The following VDAC2 variants were observed in gnomAD, a reference collection of about 807,000 sequenced individuals.
VDAC2 encodes the protein non-selective voltage-gated ion channel VDAC2.
VDAC2 carries 6 observed loss-of-function variants against 36.6 expected under a neutral mutation model. The ratio of observed to expected loss-of-function variants is 0.16; its 90% CI spans 0.09 to 0.32. The LOEUF (loss-of-function observed/expected upper bound fraction) is 0.32. Among genes scored for constraint, VDAC2 ranks in the 10% least tolerant of loss-of-function variants. The probability of loss-of-function intolerance (pLI) is 1.00; values close to 1 mark genes in which losing one functional copy is unlikely to be tolerated. For missense variants in VDAC2, 247 were observed against 346.0 expected (o/e 0.71, Z 2.27); for synonymous variants, 109 against 123.8 (o/e 0.88, Z 0.79).
chr10:75,217,955 G>T, intron 4 of VDAC2: 1 of 1,288,626 alleles, frequency 7.8e-7, no homozygotes, highest in Non-Finnish European at 1.0e-6. Flanking sequence ...GGCTTGGCGT[G>T]GTGATGCTTG....
rs772993570 is a variant in VDAC2, at chr10:75,219,160, C to T, written c.248C>T (p.Thr83Ile). The T allele has an allele frequency of 6.2e-7, 1 of 1,612,936 alleles. No individual in the cohort carries two copies. The highest frequency in any genetic ancestry group is 1.1e-5 in the South Asian group (1 of 90,858). Residue 83 changes from threonine (T) to isoleucine (I), a missense_variant, in exon 5 of 10, where the codon ACA (threonine) becomes ATA (isoleucine). Transcript: ENST00000332211. Reference sequence around the variant, plus strand: ...TGGTGTGAGTATGGTCTGACTTTCACAGAAAAGTGGAACACTGATAACACT... The same window carrying T: ...TGGTGTGAGTATGGTCTGACTTTCATAGAAAAGTGGAACACTGATAACACT... Reference protein sequence around the residue: ...YKWCEYGLTFTEKWNTDNTLG... With the variant: ...YKWCEYGLTFIEKWNTDNTLG...
chr10:75,212,023 A>G (rs3740312), intron 2 of VDAC2, among the ~76,000 whole-genome samples: 19,288 of 152,228 alleles, frequency 0.13, 1,512 homozygotes, highest in East Asian at 0.25. Context: ...AGTTTGTATA[A>G]TCATGGTTAT....
intron 6 of VDAC2, 49 bp downstream of exon 6, chr10:75,219,405 T>C (rs1407662993): frequency 3.2e-5 from 47 of 1,464,682 alleles, no homozygotes; most frequent in Non-Finnish European, 3.9e-5. Flanking sequence ...TATTTCTCTT[T>C]TGTATATTTA....
intron 9 of VDAC2, among the ~76,000 whole-genome samples, chr10:75,230,153 T>G (rs1262952071): frequency 6.6e-6 from 1 of 152,212 alleles, no homozygotes; most frequent in Non-Finnish European, 1.5e-5. Flanking sequence ...TTCTCCAACT[T>G]CAGAGTGCAC....
Position 75,226,451 on chromosome 10 carries a change from G to GTTT in VDAC2, c.736-3172_736-3170dup, listed in dbSNP as rs147954706. On this transcript the variant is annotated intron_variant, in intron 8 of 9. Transcript: ENST00000332211. Reference sequence around the variant, plus strand: ...AAAAGTGAAAGACAGTCTTTTGTGGGTTTTTTTTTTTTTTTTTTTTTTTAA... The same window carrying GTTT: ...AAAAGTGAAAGACAGTCTTTTGTGGGTTTTTTTTTTTTTTTTTTTTTTTTTTAA... Among the ~76,000 whole-genome samples, 481 of 100,868 alleles carry GTTT rather than the reference G, an allele frequency of 4.8e-3. 4 individuals carry two copies. Among genetic ancestry groups the GTTT allele is most frequent in the African/African-American group, 0.017 (423 of 25,238 alleles). The allele number at this position is 100,868 out of a possible 152,430, so 66.2% of individuals were successfully genotyped here.
At chr10:75,227,422 G>A (rs1236953201) in intron 8 of VDAC2, among the ~76,000 whole-genome samples, 2 of 152,146 alleles carry the variant, frequency 1.3e-5, no homozygotes, top group Non-Finnish European at 2.9e-5. Context: ...AATTGAATTA[G>A]AGAACATCTA....
chr10:75,227,284 T>C (rs1416694211), intron 8 of VDAC2, among the ~76,000 whole-genome samples: 1 of 152,192 alleles, frequency 6.6e-6, no homozygotes, highest in African/African-American at 2.4e-5. Context: ...ATAACCAGTC[T>C]GTAAGAAGCA....
rs1289505911 is a variant in VDAC2 at position 75,220,389 on chromosome 10, G to A, written c.357-354G>A. Reference sequence around the variant, plus strand: ...CTCCCAAAGTGCTGAGATTACAGGCGGGAGCCACCATGCCTGGCCCATATC... The same window carrying A: ...CTCCCAAAGTGCTGAGATTACAGGCAGGAGCCACCATGCCTGGCCCATATC... On this transcript the variant is annotated intron_variant, in intron 6 of 9. Transcript: ENST00000332211. 2.0e-5 allele frequency among the ~76,000 whole-genome samples: 3 copies of A among 152,166 alleles called. No individual in the cohort carries two copies. The East Asian group carries it at 5.8e-4, about 29-fold the overall frequency.
intron 9 of VDAC2, 88 bp downstream of exon 9, chr10:75,229,789 C>A: frequency 9.9e-7 from 1 of 1,013,030 alleles, no homozygotes; most frequent in Non-Finnish European, 1.5e-6. Context: ...ACCTTTCAAG[C>A]ACACAGAAGA....
rs200958763 is a variant in VDAC2, at chr10:75,220,903, T to G, written c.517T>G (p.Ser173Ala). The G allele has an allele frequency of 5.3e-4, 860 of 1,613,770 alleles. No individual in the cohort carries two copies. Among genetic ancestry groups the G allele is most frequent in the Non-Finnish European group, 7.1e-4 (832 of 1,179,790 alleles). The stretch of plus-strand genomic sequence containing the variant: ...CCAGATGACCTTTGACAGTGCCAAA[T>G]CAAAGCTGACAAGGAATAACTTTGC... ...GYQMTFDSAK[S>A]KLTRNNFAVG... Residue 173 changes from serine to alanine, a missense_variant, in exon 7 of 10, where the codon TCA becomes GCA. Around this residue, in one of 3 missense-constraint regions of VDAC2, gnomAD observed 159 missense variants for 234.0 expected, o/e 0.68. Transcript: ENST00000332211.
intron 7 of VDAC2, among the ~76,000 whole-genome samples, chr10:75,221,887 C>T (rs937246594): frequency 6.6e-6 from 1 of 152,156 alleles, no homozygotes; most frequent in Non-Finnish European, 1.5e-5. Context: ...AGAAAACCTA[C>T]GTTTCTTACA....
intron 6 of VDAC2, among the ~76,000 whole-genome samples, 199 bp from the exon 7 acceptor site, chr10:75,220,544 A>C (rs1038831257): frequency 1.3e-5 from 2 of 152,222 alleles, no homozygotes; most frequent in Admixed American, 1.3e-4. Context: ...TCTGCAAAGC[A>C]GTTTTCCTAG....
At chr10:75,215,287 G>T (rs1001203695) in intron 4 of VDAC2, among the ~76,000 whole-genome samples, 1 of 151,854 alleles carries the variant, frequency 6.6e-6, no homozygotes, top group Non-Finnish European at 1.5e-5. Context: ...GGGTGGGTGT[G>T]TGTGCACATT....
chr10:75,227,577 ATTTTTTTTT>A (rs35378957), intron 8 of VDAC2, among the ~76,000 whole-genome samples: 2 of 99,928 alleles, frequency 2.0e-5, no homozygotes, highest in Non-Finnish European at 3.6e-5. Flanking sequence ...AATAATAGGA[ATTTTTTTTT>A]TTTTTTTTTT....
intron 3 of VDAC2, 34 bp downstream of exon 3, chr10:75,212,332 A>C: frequency 6.4e-7 from 1 of 1,574,516 alleles, no homozygotes; most frequent in Non-Finnish European, 8.7e-7. Flanking sequence ...TTTTAGATAA[A>C]GAGTGAAAAT....
At chr10:75,219,503 G>GA (rs1157055986) in intron 6 of VDAC2, 147 bp downstream of exon 6, 2 of 707,126 alleles carry the variant, frequency 2.8e-6, no homozygotes, top group African/African-American at 3.6e-5. Context: ...ATTTATTTGA[G>GA]ATGGAGTCTT....
chr10:75,216,816 A>G (rs886403830), intron 4 of VDAC2, among the ~76,000 whole-genome samples: 2 of 152,256 alleles, frequency 1.3e-5, no homozygotes, highest in African/African-American at 4.8e-5. Flanking sequence ...TCAAACTGCT[A>G]GAAAAACCTG....
chr10:75,225,801 GT>G (rs1224153732), intron 8 of VDAC2, among the ~76,000 whole-genome samples: 1 of 147,252 alleles, frequency 6.8e-6, no homozygotes, highest in Non-Finnish European at 1.5e-5. Flanking sequence ...GGTTTTTTTT[GT>G]TTTGTTTTGT....
intron 2 of VDAC2, chr10:75,211,543 T>C: frequency 1.3e-6 from 2 of 1,550,166 alleles, no homozygotes; most frequent in Non-Finnish European, 1.7e-6. Context: ...GCAAGGTCAT[T>C]ACTTGTGCTC....
Sources: allele counts gnomAD v4.1 joint callset (sites outside exome capture counted in the v4.1 genomes callset), GRCh38; gene constraint gnomAD v4.1.1; regional missense constraint gnomAD v4.1.1; transcripts MANE v1.5; gene names NCBI Gene and HGNC (gene_info 2026-07-23, HGNC 2026-07-21).